CATSPERD: variants seen among roughly 807,000 people sequenced by gnomAD.
CATSPERD encodes cation channel sperm-associated auxiliary subunit delta.
In CATSPERD, 86 loss-of-function variants were observed where a neutral mutation model predicts 98.1. The observed-to-expected ratio is 0.88, with a 90% CI of 0.74 to 1.05. The LOEUF (loss-of-function observed/expected upper bound fraction) is 1.05, where lower values mean the gene tolerates loss of function less well. Ranked by LOEUF, CATSPERD falls within the 50% of genes least tolerant of loss-of-function variation. The probability of loss-of-function intolerance (pLI) is 0.00; values close to 1 mark genes in which losing one functional copy is unlikely to be tolerated. For missense variants in CATSPERD, 995 were observed against 1,005.7 expected, an observed-to-expected ratio of 0.99 and a Z score of 0.14; for synonymous variants, 394 against 390.2, an observed-to-expected ratio of 1.01 and a Z score of -0.12.
In CATSPERD at chr19:5,778,498, C is replaced by G; in HGVS notation, c.2219C>G (p.Ala740Gly). 6.2e-7 allele frequency: 1 copy of G among 1,614,052 alleles called. No homozygotes were observed. The highest frequency in any genetic ancestry group is 8.5e-7 in the Non-Finnish European group (1 of 1,180,040). Reference sequence around the variant, plus strand: ...AGCATCCTGGGGTCCGTTTGGCTGGCCTACAAGACCCCCAAGCTGCTACGC... The same window carrying G: ...AGCATCCTGGGGTCCGTTTGGCTGGGCTACAAGACCCCCAAGCTGCTACGC... ...ISSILGSVWL[A>G]YKTPKLLRTA... The change falls in exon 22 of 22, where the codon GCC becomes GGC. Residue 740 changes from alanine to glycine, a missense_variant. Ala to Gly is a moderately conservative substitution (Grantham distance 60). This residue lies in a region of CATSPERD where 762 missense variants were observed against 773.7 expected (regional missense o/e 0.98). Transcript: ENST00000381624.
At position 5,778,725 on chromosome 19, in the gene CATSPERD, T is replaced by C; in HGVS notation, c.*49T>C. The C allele has an allele frequency of 6.5e-7, 1 of 1,538,428 alleles. No homozygotes were observed. Among genetic ancestry groups the C allele is most frequent in the Non-Finnish European group, 8.8e-7 (1 of 1,138,930 alleles). On this transcript the variant is annotated 3_prime_UTR_variant, in exon 22 of 22. Transcript: ENST00000381624. Reference sequence around the variant, plus strand: ...CCTTGTCTTCAAATAAAGTATAATGTAACATAGCAGGAAGCAGTATGTATT... The same window carrying C: ...CCTTGTCTTCAAATAAAGTATAATGCAACATAGCAGGAAGCAGTATGTATT...
At chr19:5,769,894 G>C (rs1166186147) in intron 18 of CATSPERD, among the ~76,000 whole-genome samples, 1 of 151,860 alleles carries the variant, frequency 6.6e-6, no homozygotes, top group Non-Finnish European at 1.5e-5. Context: ...TTTGAGAGCA[G>C]TCTGGCCAAC....
At chr19:5,733,736 G>A (rs1034309735) in intron 4 of CATSPERD, 120 bp from the exon 5 acceptor site, 13 of 686,686 alleles carry the variant, frequency 1.9e-5, no homozygotes, top group Admixed American at 6.0e-5. Context: ...GATTACAAGC[G>A]AGGGCCACCG....
intron 4 of CATSPERD, among the ~76,000 whole-genome samples, chr19:5,730,883 C>T (rs530759904): frequency 1.6e-4 from 25 of 152,114 alleles, no homozygotes; most frequent in African/African-American, 5.8e-4. Flanking sequence ...TGCTTGTAGT[C>T]GCAGCTACTT....
chr19:5,725,150 G>A (rs2055579800), intron 2 of CATSPERD, among the ~76,000 whole-genome samples: 1 of 152,118 alleles, frequency 6.6e-6, no homozygotes, highest in African/African-American at 2.4e-5. Flanking sequence ...TTCTCTCTCA[G>A]ATAGGAGATT....
At chr19:5,750,271 AC>A (rs1235598266) in intron 11 of CATSPERD, among the ~76,000 whole-genome samples, 5 of 146,290 alleles carry the variant, frequency 3.4e-5, no homozygotes, top group Admixed American at 1.4e-4. Context: ...ACACGGTGAA[AC>A]CCCGTCTCTA....
chr19:5,733,898 T>C lies in CATSPERD; in HGVS notation c.319T>C (p.Leu107=), dbSNP rs772326221. The change falls in exon 5 of 22, where the codon TTA becomes CTA. Residue 107 remains leucine, a synonymous_variant. Coordinates refer to ENST00000381624, the MANE Select transcript of CATSPERD (RefSeq NM_152784.4). The stretch of plus-strand genomic sequence containing the variant: ...GACATCAGCACATTTTGCTGGTTCG[T>C]TATTGCTGTTAGTAGTGGATCAAAA... The part of the protein sequence containing the change: ...EVTSAHFAGS[L]LLLVVDQKVY... The C allele has an allele frequency of 6.2e-7, 1 of 1,613,458 alleles. No individual in the cohort carries two copies.
chr19:5,725,371 G>A (rs1472406982), intron 2 of CATSPERD, among the ~76,000 whole-genome samples: 1 of 152,146 alleles, frequency 6.6e-6, no homozygotes, highest in East Asian at 1.9e-4. Context: ...GGCTGGTCTC[G>A]AGCTCCTGGA....
At chr19:5,746,820 T>TC (rs1471464536) in intron 9 of CATSPERD, among the ~76,000 whole-genome samples, 3 of 151,470 alleles carry the variant, frequency 2.0e-5, no homozygotes, top group Admixed American at 6.6e-5. Flanking sequence ...TCTTTTTTTT[T>TC]TGGAGACAGT....
In CATSPERD at chr19:5,724,354, C is replaced by T. The variant is rs528543596; in HGVS notation, c.72-454C>T. The stretch of plus-strand genomic sequence containing the variant: ...CTGGGATTAAAGACATAAGCCACCA[C>T]GCCCAGCCTCATCCAATTTTCTAGG... On this transcript the variant is annotated intron_variant, in intron 1 of 21. Transcript: ENST00000381624. 2.8e-4 allele frequency among the ~76,000 whole-genome samples: 42 copies of T among 152,152 alleles called. No homozygotes were observed. The South Asian group carries it at 3.8e-3, about 14-fold the overall frequency.
At position 5,762,063 on chromosome 19, in the gene CATSPERD, T is replaced by A. The variant is rs1194416972; in HGVS notation, c.1428-1152T>A. On this transcript the variant is annotated intron_variant, in intron 15 of 21. Transcript: ENST00000381624. ...TGCCATATATATATATATATATTTT[T>A]TTTTTTTTTTTTTTTTTTGAGACAC... 6.7e-3 allele frequency among the ~76,000 whole-genome samples: 470 copies of A among 70,670 alleles called. 1 individual carries two copies. Among genetic ancestry groups the A allele is most frequent in the Non-Finnish European group, 0.01 (318 of 30,578 alleles). 46.4% of individuals were successfully genotyped at this position (70,670 alleles called of 152,430 possible).
intron 4 of CATSPERD, among the ~76,000 whole-genome samples, chr19:5,731,561 T>TTTTTTTTTG (rs2055720123): frequency 2.8e-5 from 1 of 36,058 alleles, no homozygotes; most frequent in South Asian, 2.1e-3. Context: ...CACTTAACAG[T>TTTTTTTTTG]TTTTTTTTTT....
intron 12 of CATSPERD, among the ~76,000 whole-genome samples, 161 bp from the exon 13 acceptor site, chr19:5,753,971 C>T (rs889825885): frequency 1.3e-5 from 2 of 152,030 alleles, no homozygotes; most frequent in East Asian, 1.9e-4. Flanking sequence ...GTGCCCATCT[C>T]GAGACCCTTC....
intron 3 of CATSPERD, among the ~76,000 whole-genome samples, chr19:5,728,576 T>C (rs971300836): frequency 6.6e-6 from 1 of 151,516 alleles, no homozygotes; most frequent in African/African-American, 2.4e-5. Context: ...ACAGCTCTTT[T>C]ATAAATCAGC....
chr19:5,761,378 A>G (rs1189681291), intron 15 of CATSPERD, among the ~76,000 whole-genome samples: 1 of 152,186 alleles, frequency 6.6e-6, no homozygotes, highest in East Asian at 1.9e-4. Context: ...CTAGAATTAC[A>G]GGCATGAACC....
intron 8 of CATSPERD, among the ~76,000 whole-genome samples, chr19:5,745,049 TCTTGTG>T (rs1207393661): frequency 5.9e-5 from 9 of 152,206 alleles, no homozygotes; most frequent in African/African-American, 2.2e-4. Context: ...CTCAAGTGAT[TCTTGTG>T]CTTCAGCCTC....
chr19:5,722,937 C>G (rs2145664145), intron 1 of CATSPERD, among the ~76,000 whole-genome samples: 1 of 152,096 alleles, frequency 6.6e-6, no homozygotes, highest in Admixed American at 6.6e-5. Flanking sequence ...GCCTGTAATC[C>G]CAGCACTTTG....
intron 15 of CATSPERD, among the ~76,000 whole-genome samples, chr19:5,762,058 ATTTTT>A (rs869295948): frequency 1.1e-3 from 12 of 10,436 alleles, no homozygotes; most frequent in Non-Finnish European, 1.3e-3. Context: ...ATATATATAT[ATTTTT>A]TTTTTTTTTT....
At chr19:5,729,711 T>C (rs2055676770) in intron 3 of CATSPERD, among the ~76,000 whole-genome samples, 161 bp from the exon 4 acceptor site, 1 of 152,242 alleles carries the variant, frequency 6.6e-6, no homozygotes, top group Non-Finnish European at 1.5e-5. Context: ...ACACCTGGAC[T>C]GTAGAGGTTT....
Sources: allele counts gnomAD v4.1 joint callset (sites outside exome capture counted in the v4.1 genomes callset), GRCh38; gene constraint gnomAD v4.1.1; regional missense constraint gnomAD v4.1.1; transcripts MANE v1.5; gene names NCBI Gene and HGNC (gene_info 2026-07-23, HGNC 2026-07-21).